Variants in ABHD3 observed in about 807,000 individuals in gnomAD.
ABHD3 encodes phospholipase ABHD3.
Under a neutral mutation model 48.8 loss-of-function variants are expected in ABHD3, and 46 were observed. The ratio of observed to expected loss-of-function variants is 0.94; its 90% CI spans 0.74 to 1.20. ABHD3 has a LOEUF of 1.20. ABHD3 is among the 50% of genes most tolerant of loss of function. The probability of loss-of-function intolerance (pLI) is 0.00; values close to 1 mark genes in which losing one functional copy is unlikely to be tolerated. For missense variants in ABHD3, 490 were observed against 497.8 expected, an observed-to-expected ratio of 0.98 and a Z score of 0.15; for synonymous variants, 192 against 183.7, an observed-to-expected ratio of 1.04 and a Z score of -0.36.
At chr18:21,695,309 C>T (rs1394143601) in intron 3 of ABHD3, among the ~76,000 whole-genome samples, 1 of 152,208 alleles carries the variant, frequency 6.6e-6, no homozygotes, top group Admixed American at 6.5e-5. Context: ...GGATTATAGG[C>T]GTGAGCCATC....
chr18:21,676,445 C>G (rs1402910547), intron 4 of ABHD3, among the ~76,000 whole-genome samples: 1 of 152,198 alleles, frequency 6.6e-6, no homozygotes, highest in African/African-American at 2.4e-5. Flanking sequence ...AGGCTACACA[C>G]AGTGGTGTGA....
At chr18:21,699,073 T>G (rs1023560019) in intron 3 of ABHD3, among the ~76,000 whole-genome samples, 10 of 152,020 alleles carry the variant, frequency 6.6e-5, no homozygotes, top group Non-Finnish European at 1.5e-4. Flanking sequence ...TAGCTGGGAT[T>G]ACAGGCGCAC....
At chr18:21,680,439 T>C (rs2039979281) in intron 4 of ABHD3, among the ~76,000 whole-genome samples, 1 of 152,230 alleles carries the variant, frequency 6.6e-6, no homozygotes, top group African/African-American at 2.4e-5. Context: ...CACTTATAGC[T>C]GGTTAGTGGT....
At chr18:21,662,730 C>T (rs932587097) in intron 5 of ABHD3, among the ~76,000 whole-genome samples, 18 of 152,266 alleles carry the variant, frequency 1.2e-4, no homozygotes, top group African/African-American at 3.1e-4. Context: ...GGGGTGCTTC[C>T]GTCTAACAGT....
chr18:21,692,190 T>A (rs1385045069), intron 3 of ABHD3, among the ~76,000 whole-genome samples: 1 of 152,160 alleles, frequency 6.6e-6, no homozygotes, highest in Non-Finnish European at 1.5e-5. Flanking sequence ...CCTCAGGTGA[T>A]CCACCTGCCT....
At position 21,654,231 on chromosome 18, in the gene ABHD3, A is replaced by G. The variant is rs535284662; in HGVS notation, c.1058-2468T>C. Among the ~76,000 whole-genome samples the G allele has an allele frequency of 1.3e-4, 20 of 152,236 alleles. No homozygotes were observed. The East Asian group carries it at 3.9e-3, about 29-fold the overall frequency. On this transcript the variant is annotated intron_variant, in intron 8 of 8. Transcript: ENST00000289119. Reference sequence around the variant, plus strand: ...AGATCCTGTCTCCAAATATATATATATAATGTGATTGATGCAATAATTACA... The same window carrying G: ...AGATCCTGTCTCCAAATATATATATGTAATGTGATTGATGCAATAATTACA...
At chr18:21,665,384 C>T (rs960593659) in intron 4 of ABHD3, among the ~76,000 whole-genome samples, 2 of 152,126 alleles carry the variant, frequency 1.3e-5, no homozygotes, top group South Asian at 4.2e-4. Context: ...GGACTATAGG[C>T]ATGCACCACC....
intron 4 of ABHD3, among the ~76,000 whole-genome samples, chr18:21,666,477 C>T (rs946323390): frequency 3.2e-4 from 48 of 152,102 alleles, no homozygotes; most frequent in African/African-American, 1.1e-3. Flanking sequence ...CAGGTGTGAG[C>T]CACCGTGCCC....
chr18:21,692,817 G>A (rs1432532691), intron 3 of ABHD3, among the ~76,000 whole-genome samples: 1 of 151,648 alleles, frequency 6.6e-6, no homozygotes, highest in Non-Finnish European at 1.5e-5. Context: ...TGGTATTTTT[G>A]CAGATTTTGT....
chr18:21,677,270 C>T (rs1370999109), intron 4 of ABHD3, among the ~76,000 whole-genome samples: 1 of 152,144 alleles, frequency 6.6e-6, no homozygotes, highest in Non-Finnish European at 1.5e-5. Context: ...TCTTGGCTCA[C>T]TGCAAGCTCC....
chr18:21,680,706 T>C (rs1180185043), intron 4 of ABHD3, among the ~76,000 whole-genome samples: 3 of 152,186 alleles, frequency 2.0e-5, no homozygotes, highest in African/African-American at 7.2e-5. Context: ...TTAAAGCTTA[T>C]GGGCTGAAAA....
intron 4 of ABHD3, among the ~76,000 whole-genome samples, chr18:21,674,091 T>C (rs2039819600): frequency 6.6e-6 from 1 of 152,128 alleles, no homozygotes; most frequent in South Asian, 2.1e-4. Flanking sequence ...GTCTGAACTC[T>C]TGGATTCCTT....
intron 3 of ABHD3, among the ~76,000 whole-genome samples, chr18:21,696,746 T>G (rs1489181664): frequency 6.8e-6 from 1 of 147,244 alleles, no homozygotes; most frequent in Non-Finnish European, 1.5e-5. Context: ...GGTTTTTTTT[T>G]GGTAGAAATG....
At chr18:21,654,303 G>A (rs2039296334) in intron 8 of ABHD3, among the ~76,000 whole-genome samples, 1 of 152,108 alleles carries the variant, frequency 6.6e-6, no homozygotes. Flanking sequence ...GCTAATTAAA[G>A]GTAACAGCTT....
chr18:21,685,868 T>C (rs1272335769), intron 3 of ABHD3, among the ~76,000 whole-genome samples: 1 of 152,244 alleles, frequency 6.6e-6, no homozygotes, highest in East Asian at 1.9e-4. Flanking sequence ...CGGCTAATTT[T>C]TGTACTTTTA....
At chr18:21,688,962 C>T (rs931497073) in intron 3 of ABHD3, among the ~76,000 whole-genome samples, 1 of 152,100 alleles carries the variant, frequency 6.6e-6, no homozygotes, top group Non-Finnish European at 1.5e-5. Context: ...AAACATAAGG[C>T]TCTGAATTCC....
At chr18:21,693,721 T>C (rs2040304814) in intron 3 of ABHD3, among the ~76,000 whole-genome samples, 1 of 152,218 alleles carries the variant, frequency 6.6e-6, no homozygotes, top group Admixed American at 6.5e-5. Context: ...TCAATCTGGC[T>C]AGTCTCACAA....
chr18:21,669,329 G>A (rs935804377), intron 4 of ABHD3, among the ~76,000 whole-genome samples: 1 of 152,000 alleles, frequency 6.6e-6, no homozygotes, highest in Admixed American at 6.6e-5. Context: ...CATCATAGTC[G>A]GCCTCCTGCT....
chr18:21,669,701 TC>T (rs1324938683), intron 4 of ABHD3, among the ~76,000 whole-genome samples: 1 of 152,122 alleles, frequency 6.6e-6, no homozygotes, highest in Non-Finnish European at 1.5e-5. Flanking sequence ...TCTCCTAACT[TC>T]CCATTTCCCT....
Sources: allele counts gnomAD v4.1 joint callset (sites outside exome capture counted in the v4.1 genomes callset), GRCh38; gene constraint gnomAD v4.1.1; transcripts MANE v1.5; gene names NCBI Gene and HGNC (gene_info 2026-07-23, HGNC 2026-07-21).